The following PIK3R4 variants were observed in gnomAD, a reference collection of about 807,000 sequenced individuals.
PIK3R4 encodes phosphoinositide-3-kinase regulatory subunit 4, also known as phosphoinositide 3-kinase regulatory subunit 4.
Under a neutral mutation model 136.5 loss-of-function variants are expected in PIK3R4, and 46 were observed. The observed-to-expected ratio is 0.34, with a 90% CI of 0.27 to 0.43. PIK3R4 has a LOEUF of 0.43. PIK3R4 is among the 20% of genes least tolerant of loss of function. The probability of loss-of-function intolerance (pLI) is 1.00; values close to 1 mark genes in which losing one functional copy is unlikely to be tolerated. For synonymous variants in PIK3R4, 557 were observed against 566.7 expected (o/e 0.98, Z 0.24); for missense variants, 1,331 against 1,649.5 (o/e 0.81, Z 3.35).
chr3:130,707,185 A>G (rs2066610603), intron 10 of PIK3R4, 50 bp from the exon 11 acceptor site: 1 of 1,362,306 alleles, frequency 7.3e-7, no homozygotes, highest in Admixed American at 2.1e-5. Flanking sequence ...CTTTAAAACC[A>G]TTATGTGCTT....
chr3:130,706,807 G>A, intron 11 of PIK3R4, 141 bp downstream of exon 11: 1 of 520,680 alleles, frequency 1.9e-6, no homozygotes, highest in Admixed American at 4.1e-5. Flanking sequence ...AGATAAACCT[G>A]TCTTAGAAAG....
chr3:130,738,604 A>T (rs1017674031), intron 2 of PIK3R4, among the ~76,000 whole-genome samples: 2 of 152,108 alleles, frequency 1.3e-5, no homozygotes, highest in East Asian at 3.8e-4. Context: ...ACTACACACT[A>T]AAAGAATTAG....
chr3:130,699,200 C>T (rs1366129152), intron 13 of PIK3R4, among the ~76,000 whole-genome samples: 1 of 152,120 alleles, frequency 6.6e-6, no homozygotes, highest in Admixed American at 6.5e-5. Context: ...TTTCTGTCAG[C>T]CTGCTGATGC....
rs560895450 is a variant in PIK3R4 at position 130,686,291 on chromosome 3, G to T, written c.3395C>A (p.Ala1132Glu). 2 of 1,613,168 alleles carry T rather than the reference G, an allele frequency of 1.2e-6. No homozygotes were observed. Among genetic ancestry groups the T allele is most frequent in the Admixed American group, 1.7e-5 (1 of 59,954 alleles). The part of the protein sequence containing the change: ...VGWDLRSSSN[A>E]WTLKHDLKSG... Reference sequence around the variant, plus strand: ...CTTTAAATCATGCTTTAAAGTCCACGCATTGCTTGAAGACCTAAGGTCCCA... The same window carrying T: ...CTTTAAATCATGCTTTAAAGTCCACTCATTGCTTGAAGACCTAAGGTCCCA... Residue 1132 changes from alanine to glutamate, a missense_variant, in exon 15 of 20, where the codon GCG becomes GAG. Transcript: ENST00000356763.
intron 9 of PIK3R4, among the ~76,000 whole-genome samples, chr3:130,715,715 A>G (rs1226792625): frequency 2.6e-5 from 4 of 151,722 alleles, no homozygotes; most frequent in Non-Finnish European, 5.9e-5. Context: ...CTGCCTGTTC[A>G]CTCTGATGAT....
In PIK3R4 at chr3:130,723,521, C is replaced by G. The variant is rs1182837030; in HGVS notation, c.1874G>C (p.Ser625Thr). 1.1e-5 allele frequency: 18 copies of G among 1,613,930 alleles called. No individual in the cohort carries two copies. The highest frequency in any genetic ancestry group is 1.5e-5 in the Non-Finnish European group (18 of 1,179,976). The change falls in exon 7 of 20, where the codon AGT (serine) becomes ACT (threonine). Residue 625 changes from serine to threonine, a missense_variant. By Grantham distance (58) the Ser-to-Thr change is moderately conservative. This residue lies in a region of PIK3R4 where 1,180 missense variants were observed against 1,407.0 expected (regional missense o/e 0.84). Coordinates refer to ENST00000356763, the MANE Select transcript of PIK3R4 (RefSeq NM_014602.3). Reference protein sequence around the residue: ...ILKPLLQQGLSDAEEFVIVKA... With the variant: ...ILKPLLQQGLTDAEEFVIVKA... Reference sequence around the variant, plus strand: ...CACAATGACAAATTCCTCAGCATCACTAAGACCTTGTTGCAGCAGAGGCTT... The same window carrying G: ...CACAATGACAAATTCCTCAGCATCAGTAAGACCTTGTTGCAGCAGAGGCTT...
At chr3:130,742,155 C>G (rs2066827422) in intron 2 of PIK3R4, among the ~76,000 whole-genome samples, 2 of 152,198 alleles carry the variant, frequency 1.3e-5, no homozygotes, top group Non-Finnish European at 2.9e-5. Context: ...GAAAGTAGCA[C>G]TCAAAACCCA....
intron 10 of PIK3R4, among the ~76,000 whole-genome samples, 189 bp downstream of exon 10, chr3:130,708,102 T>G (rs1450823215): frequency 6.6e-6 from 1 of 152,180 alleles, no homozygotes; most frequent in Non-Finnish European, 1.5e-5. Flanking sequence ...GCAAGTTACT[T>G]CCTTAACTGT....
rs1384441245 is a variant in PIK3R4 at position 130,718,264 on chromosome 3, T to TTA, written c.2127+124_2127+125insTA. On this transcript the variant is annotated intron_variant, in intron 8 of 19. Transcript: ENST00000356763. ...TTAACATTAATTAGCTTGAAAGGAA[T>TTA]ATAAACATGCTATAGCCCAATTTAA... 3.8e-6 allele frequency: 3 copies of TTA among 781,618 alleles called. No homozygotes were observed. In the African/African-American group the frequency reaches 5.3e-5, roughly 14 times the overall value. The allele number at this position is 781,618 out of a possible 1,614,324, so 48.4% of individuals were successfully genotyped here.
At chr3:130,709,327 T>C (rs539998190) in intron 9 of PIK3R4, among the ~76,000 whole-genome samples, 5 of 152,280 alleles carry the variant, frequency 3.3e-5, no homozygotes, top group Admixed American at 3.3e-4. Context: ...AATCCTCTAG[T>C]ACATTTTCAT....
At chr3:130,735,831 AT>A (rs1374589129) in intron 3 of PIK3R4, 37 bp downstream of exon 3, 2 of 1,575,128 alleles carry the variant, frequency 1.3e-6, no homozygotes, top group Non-Finnish European at 8.6e-7. Flanking sequence ...ACTAGATCCT[AT>A]TAAAAACTTT....
intron 4 of PIK3R4, among the ~76,000 whole-genome samples, chr3:130,731,424 T>A (rs1275804181): frequency 1.3e-5 from 2 of 152,124 alleles, no homozygotes; most frequent in African/African-American, 4.8e-5. Context: ...CCACCCCTGC[T>A]AGGTTCAACA....
At chr3:130,728,017 T>C (rs6767116) in intron 6 of PIK3R4, among the ~76,000 whole-genome samples, 3,180 of 152,268 alleles carry the variant, frequency 0.021, 113 homozygotes, top group African/African-American at 0.072. Context: ...TCCAACTACA[T>C]TGATTTTCAA....
In PIK3R4 at chr3:130,679,271, G is replaced by C. The variant is rs1248649362; in HGVS notation, c.*44C>G. On this transcript the variant is annotated 3_prime_UTR_variant, in exon 20 of 20. Coordinates refer to ENST00000356763, the MANE Select transcript of PIK3R4 (RefSeq NM_014602.3). ...TAGAAATGCCTTTTCTCGAGTTATA[G>C]TATTATATTTATAACTATTAAAATT... 26 of 1,218,196 alleles carry C rather than the reference G, an allele frequency of 2.1e-5. No homozygotes were observed. Among genetic ancestry groups the C allele is most frequent in the Non-Finnish European group, 2.6e-5 (23 of 888,518 alleles). The allele number at this position is 1,218,196 out of a possible 1,614,324, so 75.5% of individuals were successfully genotyped here.
intron 6 of PIK3R4, among the ~76,000 whole-genome samples, chr3:130,728,212 A>G (rs563627327): frequency 1.3e-5 from 2 of 152,250 alleles, no homozygotes; most frequent in African/African-American, 4.8e-5. Context: ...CCAGGTCATT[A>G]TTCTGTCTAA....
chr3:130,725,255 G>A (rs1254631229), intron 6 of PIK3R4, among the ~76,000 whole-genome samples: 3 of 151,778 alleles, frequency 2.0e-5, no homozygotes, highest in Non-Finnish European at 4.4e-5. Context: ...CTATGAATAT[G>A]AGTACAAGAA....
chr3:130,693,034 G>A (rs1025133508), intron 13 of PIK3R4, among the ~76,000 whole-genome samples: 2 of 151,946 alleles, frequency 1.3e-5, no homozygotes, highest in East Asian at 3.8e-4. Flanking sequence ...AATCTACTTT[G>A]TGTCTCTATG....
At chr3:130,727,682 T>C (rs536550698) in intron 6 of PIK3R4, among the ~76,000 whole-genome samples, 1 of 152,338 alleles carries the variant, frequency 6.6e-6, no homozygotes, top group East Asian at 1.9e-4. Flanking sequence ...CATAATAATA[T>C]GAATTTAGCA....
In PIK3R4 at chr3:130,734,052, A is replaced by G. The variant is rs759451064; in HGVS notation, c.946T>C (p.Phe316Leu). 4 of 1,614,162 alleles carry G rather than the reference A, an allele frequency of 2.5e-6. No individual in the cohort carries two copies. The highest frequency in any genetic ancestry group is 1.6e-4 in the Middle Eastern group (1 of 6,062). Residue 316 changes from phenylalanine to leucine, a missense_variant, in exon 4 of 20, where the codon TTT (phenylalanine) becomes CTT (leucine). Physicochemically the swap from Phe to Leu is conservative, Grantham distance 22 (BLOSUM62 0). Coordinates refer to ENST00000356763, the MANE Select transcript of PIK3R4 (RefSeq NM_014602.3). Reference sequence around the variant, plus strand: ...AGAAAAGTGTAAAATATTTCAGGAAAGGCATTGCCACGCTGCTGTTTTAAG... The same window carrying G: ...AGAAAAGTGTAAAATATTTCAGGAAGGGCATTGCCACGCTGCTGTTTTAAG... The part of the protein sequence containing the change: ...DYLKQQRGNA[F>L]PEIFYTFLQP...
Sources: allele counts gnomAD v4.1 joint callset (sites outside exome capture counted in the v4.1 genomes callset), GRCh38; gene constraint gnomAD v4.1.1; regional missense constraint gnomAD v4.1.1; transcripts MANE v1.5; gene names NCBI Gene and HGNC (gene_info 2026-07-23, HGNC 2026-07-21).